DAB1: variants seen among roughly 807,000 people sequenced by gnomAD.
DAB1 encodes the protein DAB adaptor protein 1.
In DAB1, 15 loss-of-function variants were observed where a neutral mutation model predicts 64.6. The observed-to-expected ratio is 0.23, with a 90% CI of 0.16 to 0.36. The LOEUF is 0.36. DAB1 is among the 10% of genes least tolerant of loss of function. The pLI is 1.00. For missense variants in DAB1, 596 were observed against 706.7 expected (o/e 0.84, Z 1.78); for synonymous variants, 235 against 251.9 (o/e 0.93, Z 0.64).
At chr1:57,308,175 T>C (rs1674358195) in intron 1 of DAB1, among the ~76,000 whole-genome samples, 1 of 152,228 alleles carries the variant, frequency 6.6e-6, no homozygotes, top group Non-Finnish European at 1.5e-5. Context: ...TCCAGATTTG[T>C]AATTGAGTTA....
At chr1:57,993,578 C>T (rs561153264) in intron 5 of DAB1, among the ~76,000 whole-genome samples, 160 of 152,260 alleles carry the variant, frequency 1.1e-3, no homozygotes, top group Middle Eastern at 3.4e-3. Flanking sequence ...CACTGGTACC[C>T]GCTGCATTTG....
intron 2 of DAB1, among the ~76,000 whole-genome samples, chr1:58,525,926 A>G (rs72672235): frequency 0.027 from 4,034 of 152,198 alleles, 78 homozygotes; most frequent in Admixed American, 0.038. Flanking sequence ...TTTATGACAA[A>G]GAGACACTGA....
intron 4 of DAB1, among the ~76,000 whole-genome samples, chr1:58,153,267 C>T (rs766621015): frequency 1.3e-5 from 2 of 152,172 alleles, no homozygotes; most frequent in Non-Finnish European, 2.9e-5. Flanking sequence ...ATTTTATAGG[C>T]ACTTACTGAT....
intron 2 of DAB1, among the ~76,000 whole-genome samples, chr1:57,166,554 C>T (rs974242870): frequency 6.6e-6 from 1 of 152,090 alleles, no homozygotes; most frequent in African/African-American, 2.4e-5. Flanking sequence ...TTATACTGGG[C>T]AGTATCATAG....
At chr1:57,928,224 C>A (rs1468623826) in intron 5 of DAB1, among the ~76,000 whole-genome samples, 2 of 152,132 alleles carry the variant, frequency 1.3e-5, no homozygotes, top group Admixed American at 6.5e-5. Flanking sequence ...GTTCCTCAAG[C>A]ACATTCCCAT....
intron 6 of DAB1, among the ~76,000 whole-genome samples, chr1:57,794,071 T>C (rs1262881169): frequency 1.3e-5 from 2 of 152,174 alleles, no homozygotes; most frequent in African/African-American, 4.8e-5. Flanking sequence ...CCTTGAACCA[T>C]AAATCCTAAC....
intron 3 of DAB1, among the ~76,000 whole-genome samples, chr1:58,433,592 A>AGTGTGTGT (rs1266210842): frequency 7.9e-5 from 8 of 100,812 alleles, no homozygotes; most frequent in South Asian, 3.6e-4. Context: ...AGAGAGAGAG[A>AGTGTGTGT]GAGAGTGTGT....
chr1:57,562,179 C>A (rs1474558639), intron 7 of DAB1, among the ~76,000 whole-genome samples: 1 of 152,176 alleles, frequency 6.6e-6, no homozygotes, highest in Non-Finnish European at 1.5e-5. Flanking sequence ...TTGAGACCAG[C>A]CTGGCCAACA....
At chr1:57,263,938 C>T (rs1172857284) in intron 2 of DAB1, among the ~76,000 whole-genome samples, 2 of 152,104 alleles carry the variant, frequency 1.3e-5, no homozygotes, top group Non-Finnish European at 2.9e-5. Context: ...CTACCCTGTA[C>T]CACAAGGGGA....
chr1:57,655,280 T>C (rs1338267433), intron 6 of DAB1, among the ~76,000 whole-genome samples: 1 of 151,942 alleles, frequency 6.6e-6, no homozygotes, highest in African/African-American at 2.4e-5. Context: ...CATCCATCTA[T>C]CCAACCACTC....
chr1:57,868,902 C>T (rs1482329432), intron 1 of DAB1, among the ~76,000 whole-genome samples: 1 of 152,080 alleles, frequency 6.6e-6, no homozygotes, highest in African/African-American at 2.4e-5. Context: ...CTTCCATCTT[C>T]ATGTATTCAG....
chr1:57,875,608 G>A (rs1454564380), intron 1 of DAB1, among the ~76,000 whole-genome samples: 1 of 152,148 alleles, frequency 6.6e-6, no homozygotes, highest in Non-Finnish European at 1.5e-5. Flanking sequence ...TTCCTTGAGG[G>A]CAGATTGTGT....
intron 2 of DAB1, among the ~76,000 whole-genome samples, chr1:57,214,640 G>A (rs1191165855): frequency 6.6e-6 from 1 of 152,172 alleles, no homozygotes; most frequent in Non-Finnish European, 1.5e-5. Context: ...GCCGGGCGCA[G>A]TGGCTCACAC....
intron 1 of DAB1, among the ~76,000 whole-genome samples, chr1:57,304,941 T>C (rs1373712488): frequency 6.6e-6 from 1 of 152,178 alleles, no homozygotes; most frequent in African/African-American, 2.4e-5. Context: ...AGCATCCTTA[T>C]GTGAAAAACA....
At chr1:58,341,051 C>T (rs1643925701) in intron 4 of DAB1, among the ~76,000 whole-genome samples, 1 of 152,152 alleles carries the variant, frequency 6.6e-6, no homozygotes, top group Admixed American at 6.6e-5. Flanking sequence ...TCTGGGCTCC[C>T]TGTGGACCCA....
chr1:57,130,590 A>G (rs1248819549), intron 4 of DAB1, among the ~76,000 whole-genome samples: 1 of 152,170 alleles, frequency 6.6e-6, no homozygotes, highest in Non-Finnish European at 1.5e-5. Flanking sequence ...TAAAAAAGAA[A>G]ATCCTGTCAT....
At chr1:57,161,397 G>C (rs11206980) in intron 2 of DAB1, among the ~76,000 whole-genome samples, 7,885 of 152,144 alleles carry the variant, frequency 0.052, 713 homozygotes, top group African/African-American at 0.18. Flanking sequence ...CAGCCATCCT[G>C]GGCAGCTGGG....
intron 3 of DAB1, among the ~76,000 whole-genome samples, chr1:58,501,660 CTTCT>C (rs947627532): frequency 3.9e-5 from 6 of 152,154 alleles, no homozygotes; most frequent in African/African-American, 1.4e-4. Context: ...TCAATGAAAC[CTTCT>C]TTGACTGCTG....
intron 7 of DAB1, among the ~76,000 whole-genome samples, chr1:57,499,969 T>C (rs920517478): frequency 6.6e-6 from 1 of 152,198 alleles, no homozygotes; most frequent in African/African-American, 2.4e-5. Context: ...AAATGGTAAA[T>C]ATATACATTG....
Sources: allele counts gnomAD v4.1 joint callset (sites outside exome capture counted in the v4.1 genomes callset), GRCh38; gene constraint gnomAD v4.1.1; transcripts MANE v1.5; gene names NCBI Gene and HGNC (gene_info 2026-07-23, HGNC 2026-07-21).